CSNK2A2: variants seen among roughly 807,000 people sequenced by gnomAD.
CSNK2A2 encodes casein kinase 2 alpha 2.
In CSNK2A2, 8 loss-of-function variants were observed where a neutral mutation model predicts 54.0. The ratio of observed to expected loss-of-function variants is 0.15; its 90% confidence interval spans 0.09 to 0.27. The LOEUF (loss-of-function observed/expected upper bound fraction) is 0.27. Ranked by LOEUF, CSNK2A2 falls within the 10% of genes least tolerant of loss-of-function variation. The probability of loss-of-function intolerance (pLI) is 1.00; values close to 1 mark genes in which losing one functional copy is unlikely to be tolerated. For missense variants in CSNK2A2, 242 were observed against 439.4 expected (o/e 0.55, Z 4.02); for synonymous variants, 141 against 153.9 (o/e 0.92, Z 0.62).
intron 5 of CSNK2A2, among the ~76,000 whole-genome samples, chr16:58,171,979 A>ATATATATTTTTT (rs1261137669): frequency 7.4e-4 from 49 of 66,172 alleles, no homozygotes; most frequent in South Asian, 2.6e-3. Flanking sequence ...ATATATATAT[A>ATATATATTTTTT]TTTTTTTTTT....
rs1961203246 is a variant in CSNK2A2, at chr16:58,158,198, T to C, written c.*173A>G. Reference sequence around the variant, plus strand: ...TTACATTCGGAAGTGAGGTTTGATATACGGTGGTGGGCTGCCCTTCGCTTG... The same window carrying C: ...TTACATTCGGAAGTGAGGTTTGATACACGGTGGTGGGCTGCCCTTCGCTTG... On this transcript the variant is annotated 3_prime_UTR_variant, in exon 12 of 12. Transcript: ENST00000262506. 6.5e-6 allele frequency: 1 copy of C among 152,690 alleles called. No individual in the cohort carries two copies. The highest frequency in any genetic ancestry group is 1.5e-5 in the Non-Finnish European group (1 of 68,084). The allele number at this position is 152,690 out of a possible 1,614,324, so 9.5% of individuals were successfully genotyped here.
chr16:58,168,930 C>CTT (rs879339390), intron 5 of CSNK2A2, among the ~76,000 whole-genome samples: 4 of 142,594 alleles, frequency 2.8e-5, no homozygotes, highest in Non-Finnish European at 4.7e-5. Flanking sequence ...AGGAAGATTT[C>CTT]TTTTTTTTTT....
chr16:58,171,710 T>TA (rs1486842409), intron 5 of CSNK2A2, among the ~76,000 whole-genome samples: 1 of 151,864 alleles, frequency 6.6e-6, no homozygotes, highest in East Asian at 1.9e-4. Flanking sequence ...CTGCACTCTA[T>TA]AATACGGTAG....
At chr16:58,182,575 A>C (rs1055046524) in intron 4 of CSNK2A2, among the ~76,000 whole-genome samples, 1 of 148,112 alleles carries the variant, frequency 6.8e-6, no homozygotes, top group South Asian at 2.1e-4. Flanking sequence ...AAAAAAAAAC[A>C]AAACCACAAA....
chr16:58,172,493 C>A (rs1426264354), intron 5 of CSNK2A2, among the ~76,000 whole-genome samples: 1 of 152,098 alleles, frequency 6.6e-6, no homozygotes, highest in Non-Finnish European at 1.5e-5. Context: ...TTAGTCTTCC[C>A]CACTCCTGTT....
At chr16:58,184,393 A>G in intron 3 of CSNK2A2, 83 bp from the exon 4 acceptor site, 3 of 944,558 alleles carry the variant, frequency 3.2e-6, no homozygotes, top group South Asian at 1.6e-5. Context: ...CCCATCCCCA[A>G]ATCCTACTTA....
At chr16:58,158,864 G>C (rs1203684643) in intron 11 of CSNK2A2, 2 of 152,156 alleles carry the variant, frequency 1.3e-5, no homozygotes, top group Non-Finnish European at 2.9e-5. Flanking sequence ...CTCTCCCCTG[G>C]AAACAGCTAG....
At chr16:58,171,979 A>ATATATATTTTTTTTT (rs1261137669) in intron 5 of CSNK2A2, among the ~76,000 whole-genome samples, 3 of 66,216 alleles carry the variant, frequency 4.5e-5, no homozygotes, top group Admixed American at 1.9e-4. Context: ...ATATATATAT[A>ATATATATTTTTTTTT]TTTTTTTTTT....
chr16:58,169,281 T>C (rs1961665541), intron 5 of CSNK2A2, among the ~76,000 whole-genome samples: 1 of 151,988 alleles, frequency 6.6e-6, no homozygotes, highest in Admixed American at 6.5e-5. Context: ...GACTCATGCC[T>C]GTAATCCTAG....
intron 4 of CSNK2A2, among the ~76,000 whole-genome samples, chr16:58,181,726 AAAG>A (rs1451050757): frequency 1.3e-5 from 2 of 152,224 alleles, no homozygotes; most frequent in East Asian, 1.9e-4. Context: ...AAGTGAGAAC[AAAG>A]AAGAAAGGGG....
At chr16:58,165,315 G>GT (rs1961534017) in intron 10 of CSNK2A2, among the ~76,000 whole-genome samples, 1 of 152,180 alleles carries the variant, frequency 6.6e-6, no homozygotes, top group African/African-American at 2.4e-5. Context: ...TTAACTCAGG[G>GT]TAACAGGGAG....
intron 2 of CSNK2A2, among the ~76,000 whole-genome samples, chr16:58,189,266 A>AT (rs1962268542): frequency 6.6e-6 from 1 of 152,170 alleles, no homozygotes; most frequent in South Asian, 2.1e-4. Flanking sequence ...AAAGCTGGCT[A>AT]TCTTATACTT....
rs375662660 is a variant in CSNK2A2, at chr16:58,168,511, C to A, written c.513+99G>T. 57 of 936,512 alleles carry A rather than the reference C, an allele frequency of 6.1e-5. No individual in the cohort carries two copies. In the East Asian group the frequency reaches 1.1e-3, roughly 18 times the overall value. 58.0% of individuals were successfully genotyped at this position (936,512 alleles called of 1,614,324 possible). A position where few individuals can be genotyped will look rare whatever the true frequency, so the allele number is the denominator to read the frequency against. The stretch of plus-strand genomic sequence containing the variant: ...ACAGTAACGAAAGTTTGCCAAAAAA[C>A]CCACCACGGGTCTACAGAAACCATC... On this transcript the variant is annotated intron_variant, in intron 6 of 11. Transcript: ENST00000262506.
chr16:58,191,401 G>GC (rs1380290040), intron 2 of CSNK2A2, among the ~76,000 whole-genome samples: 2 of 152,012 alleles, frequency 1.3e-5, no homozygotes, highest in Non-Finnish European at 2.9e-5. Flanking sequence ...CACTTTTGTT[G>GC]CCCAGGCTGG....
rs1166053379 is a variant in CSNK2A2 at position 58,197,840 on chromosome 16, T to TGGA, written c.-107_-105dup. The TGGA allele has an allele frequency of 4.6e-5, 6 of 129,160 alleles. No individual in the cohort carries two copies. Among genetic ancestry groups the TGGA allele is most frequent in the Admixed American group, 1.4e-4 (1 of 7,356 alleles). The allele number at this position is 129,160 out of a possible 1,614,324, so 8.0% of individuals were successfully genotyped here. On this transcript the variant is annotated 5_prime_UTR_variant, in exon 1 of 12. Transcript: ENST00000262506. This position sits in a 1 kb window ranked among gnomAD's most constrained non-coding sequence, Gnocchi z 4.0. ...GAGGAGGCAGCGGGCCGCCGGGCGCTGGAGGAGGAGGAGGAGGAGCGCGGC... is the reference window on the plus strand; with the variant it reads ...GAGGAGGCAGCGGGCCGCCGGGCGCTGGAGGAGGAGGAGGAGGAGGAGCGCGGC...
At chr16:58,191,250 G>C (rs1962314469) in intron 2 of CSNK2A2, among the ~76,000 whole-genome samples, 1 of 152,192 alleles carries the variant, frequency 6.6e-6, no homozygotes, top group Admixed American at 6.5e-5. Context: ...AATGGATAGA[G>C]TTTCCATTTT....
chr16:58,194,644 T>C (rs926986312), intron 2 of CSNK2A2, among the ~76,000 whole-genome samples: 3 of 152,210 alleles, frequency 2.0e-5, no homozygotes, highest in Non-Finnish European at 4.4e-5. Context: ...AATCCAGTGC[T>C]AAAATGAACA....
At chr16:58,168,482 A>T (rs905608626) in intron 6 of CSNK2A2, 128 bp downstream of exon 6, 10 of 642,686 alleles carry the variant, frequency 1.6e-5, no homozygotes, top group Non-Finnish European at 2.5e-5. Flanking sequence ...AGATGGGAGA[A>T]ATCACAGTAA....
At chr16:58,188,400 A>G (rs1362330366) in intron 2 of CSNK2A2, among the ~76,000 whole-genome samples, 2 of 152,216 alleles carry the variant, frequency 1.3e-5, no homozygotes, top group East Asian at 1.9e-4. Context: ...GCACTGTACA[A>G]TCTGATTAAA....
Sources: gnomAD v4.1 joint callset for allele counts (sites outside exome capture counted in the v4.1 genomes callset) on GRCh38, gnomAD v4.1.1 for gene constraint, Gnocchi (gnomAD v3.1) non-coding constraint, MANE v1.5 for transcripts, NCBI Gene and HGNC (gene_info 2026-07-23, HGNC 2026-07-21) for gene names.